The following CAPS2 variants were observed in gnomAD, a reference collection of about 807,000 sequenced individuals.
CAPS2 encodes the protein calcyphosine 2.
A neutral mutation model predicts 86.5 loss-of-function variants in CAPS2; 98 were observed. The observed-to-expected ratio is 1.13, with a 90% CI of 0.96 to 1.34. CAPS2 has a LOEUF of 1.34. Among genes scored for constraint, CAPS2 ranks in the 40% most tolerant of loss-of-function variants. The pLI is 0.00. For synonymous variants in CAPS2, 210 were observed against 225.1 expected (o/e 0.93, Z 0.60); for missense variants, 729 against 686.8 (o/e 1.06, Z -0.69).
intron 7 of CAPS2, among the ~76,000 whole-genome samples, chr12:75,312,299 A>G (rs75449285): frequency 1.3e-3 from 193 of 152,324 alleles, no homozygotes; most frequent in African/African-American, 4.6e-3. Context: ...TTGCACATCA[A>G]GTAAACTACT....
At position 75,293,215 on chromosome 12, in the gene CAPS2, T is replaced by C. The variant is rs182508594; in HGVS notation, c.1163+34A>G. The C allele has an allele frequency of 9.2e-6, 11 of 1,194,560 alleles. No individual in the cohort carries two copies. The Admixed American group carries it at 1.6e-4, about 18-fold the overall frequency. 74.0% of individuals were successfully genotyped at this position (1,194,560 alleles called of 1,614,324 possible). ...ATAATTTAAAAATAGTGTTTTCACC[T>C]ACTTTCAAATTGCCAAATGCATATT... On this transcript the variant is annotated intron_variant, in intron 12 of 16. Coordinates refer to ENST00000393284, the Ensembl canonical transcript of CAPS2.
upstream of CAPS2, among the ~76,000 whole-genome samples, chr12:75,331,921 C>T (rs1216093665): frequency 2.0e-5 from 3 of 152,160 alleles, no homozygotes; most frequent in Non-Finnish European, 4.4e-5. Flanking sequence ...ACCAACTAAC[C>T]TTGGCCATTC....
intron 5 of CAPS2, among the ~76,000 whole-genome samples, chr12:75,317,725 T>C (rs2039909186): frequency 6.6e-6 from 1 of 152,152 alleles, no homozygotes; most frequent in Non-Finnish European, 1.5e-5. Context: ...TACAGTATGA[T>C]GATTTGATAT....
intron 8 of CAPS2, among the ~76,000 whole-genome samples, chr12:75,302,033 A>G (rs1419536310): frequency 2.0e-5 from 3 of 152,202 alleles, no homozygotes; most frequent in African/African-American, 7.2e-5. Flanking sequence ...ACTCATTTCC[A>G]CTGGGGAGGG....
chr12:75,287,068 GCACA>G (rs1257630977), intron 14 of CAPS2, among the ~76,000 whole-genome samples: 6 of 149,946 alleles, frequency 4.0e-5, no homozygotes, highest in Non-Finnish European at 8.9e-5. Flanking sequence ...ACACACGCAA[GCACA>G]CACACACAAA....
At chr12:75,281,384 G>A (rs2033915541) in intron 16 of CAPS2, among the ~76,000 whole-genome samples, 1 of 151,730 alleles carries the variant, frequency 6.6e-6, no homozygotes, top group African/African-American at 2.4e-5. Flanking sequence ...AGAATGGCTA[G>A]GTAAATGATA....
At chr12:75,341,747 C>T (rs370409872) in intron 1 of CAPS2, among the ~76,000 whole-genome samples, 4 of 83,406 alleles carry the variant, frequency 4.8e-5, no homozygotes, top group African/African-American at 1.6e-4. Context: ...CGCCCGGCCT[C>T]TTTTTTTTTT....
intron 11 of CAPS2, among the ~76,000 whole-genome samples, chr12:75,295,375 T>C (rs1031602653): frequency 6.6e-6 from 1 of 152,190 alleles, no homozygotes; most frequent in African/African-American, 2.4e-5. Flanking sequence ...ACCATAACTG[T>C]CAGTATGATG....
chr12:75,298,755 T>G lies in CAPS2; in HGVS notation c.976A>C (p.Lys326Gln), dbSNP rs530022576. 1.2e-4 allele frequency: 193 copies of G among 1,614,042 alleles called. 2 individuals are homozygous for G. In the South Asian group the frequency reaches 1.7e-3, roughly 14 times the overall value. The change falls in exon 11 of 17, where the codon AAA becomes CAA. Residue 326 changes from lysine to glutamine, a missense_variant. Coordinates refer to ENST00000393284, the Ensembl canonical transcript of CAPS2. Reference sequence around the variant, plus strand: ...CCACACTGATGACTATAAATGCTTTTTTGAATAAAAGGAAGCACATTTGTT... The same window carrying G: ...CCACACTGATGACTATAAATGCTTTGTTGAATAAAAGGAAGCACATTTGTT...
At chr12:75,286,128 T>TA (rs1197306815) in intron 14 of CAPS2, among the ~76,000 whole-genome samples, 1 of 152,070 alleles carries the variant, frequency 6.6e-6, no homozygotes, top group Non-Finnish European at 1.5e-5. Flanking sequence ...GTAGATAAAA[T>TA]ACCTAACAAG....
chr12:75,388,626 G>A (rs957114874), intron 1 of CAPS2, among the ~76,000 whole-genome samples: 1 of 152,132 alleles, frequency 6.6e-6, no homozygotes, highest in Non-Finnish European at 1.5e-5. Flanking sequence ...AGTAGTTGCC[G>A]GGGTTAGGAG....
chr12:75,374,126 C>T (rs1056506879), intron 1 of CAPS2, among the ~76,000 whole-genome samples: 6 of 152,154 alleles, frequency 3.9e-5, no homozygotes, highest in African/African-American at 1.2e-4. Context: ...TATGGGAGCC[C>T]GCCAAAGGCT....
At chr12:75,370,287 C>A in intron 1 of CAPS2, 1 of 593,998 alleles carries the variant, frequency 1.7e-6, no homozygotes. Flanking sequence ...ACACTCTTGC[C>A]TGATACCTAA....
At chr12:75,330,587 G>GT (rs1343008643), upstream of CAPS2, among the ~76,000 whole-genome samples, 7 of 152,128 alleles carry the variant, frequency 4.6e-5, no homozygotes, top group Admixed American at 2.0e-4. Flanking sequence ...TTTAAAGACT[G>GT]TAATATATTA....
intron 1 of CAPS2, among the ~76,000 whole-genome samples, chr12:75,345,809 TA>T (rs1373214280): frequency 6.6e-6 from 1 of 152,128 alleles, no homozygotes; most frequent in Non-Finnish European, 1.5e-5. Context: ...TGCTGTAAAG[TA>T]AAAAAACAAA....
intron 1 of CAPS2, among the ~76,000 whole-genome samples, chr12:75,377,333 T>C (rs966135780): frequency 1.3e-5 from 2 of 152,088 alleles, no homozygotes; most frequent in African/African-American, 4.8e-5. Context: ...TATGTGCATA[T>C]ATGGAAGGGG....
chr12:75,346,676 C>T (rs1252497048), intron 1 of CAPS2, among the ~76,000 whole-genome samples: 1 of 152,110 alleles, frequency 6.6e-6, no homozygotes, highest in African/African-American at 2.4e-5. Flanking sequence ...TCTCAGTTCA[C>T]TTTGATTTTT....
At chr12:75,289,098 C>A (rs1355736530) in intron 14 of CAPS2, among the ~76,000 whole-genome samples, 2 of 152,042 alleles carry the variant, frequency 1.3e-5, no homozygotes, top group Non-Finnish European at 2.9e-5. Context: ...CAGAAACAGG[C>A]CACACTCCCT....
chr12:75,390,858 G>C, exon 1 of CAPS2: 1 of 670,590 alleles, frequency 1.5e-6, no homozygotes. Flanking sequence ...TCTTTCTTTA[G>C]TTTGTCAGAC....
Sources: gnomAD v4.1 joint callset for allele counts (sites outside exome capture counted in the v4.1 genomes callset) on GRCh38, gnomAD v4.1.1 for gene constraint, MANE v1.5 for transcripts, NCBI Gene and HGNC (gene_info 2026-07-23, HGNC 2026-07-21) for gene names.